Variants in ANO1 observed in about 807,000 individuals in gnomAD.
The protein encoded by ANO1 is anoctamin-1.
Under a neutral mutation model 124.0 loss-of-function variants are expected in ANO1, and 59 were observed. The ratio of observed to expected loss-of-function variants is 0.48; its 90% CI spans 0.39 to 0.59. The LOEUF (loss-of-function observed/expected upper bound fraction) is 0.59, where lower values mean the gene tolerates loss of function less well. Among genes scored for constraint, ANO1 ranks in the 20% least tolerant of loss-of-function variants. The pLI, the probability that ANO1 is intolerant of heterozygous loss-of-function variation, is 0.00. For missense variants in ANO1, 1,059 were observed against 1,328.0 expected, an observed-to-expected ratio of 0.80 and a Z score of 3.15; for synonymous variants, 529 against 532.0, an observed-to-expected ratio of 0.99 and a Z score of 0.08.
At chr11:70,152,573 G>T (rs578188767) in intron 13 of ANO1, 112 bp downstream of exon 13, 2 of 1,283,470 alleles carry the variant, frequency 1.6e-6, no homozygotes, top group African/African-American at 2.9e-5. Context: ...GTTCCTCCAC[G>T]CGGGTGGGGT....
At chr11:70,052,237 T>C (rs552964724) in intron 1 of ANO1, among the ~76,000 whole-genome samples, 1 of 152,374 alleles carries the variant, frequency 6.6e-6, no homozygotes, top group East Asian at 1.9e-4. Context: ...AATTGTGGAA[T>C]ATATGCAGGT....
intron 1 of ANO1, among the ~76,000 whole-genome samples, chr11:70,026,297 GTGGT>G (rs1856906305): frequency 6.7e-6 from 1 of 149,278 alleles, no homozygotes. Context: ...CATAATGATG[GTGGT>G]AGTGGTAATG....
chr11:70,010,179 G>GTATATATA lies in ANO1; in HGVS notation c.58+24025_58+24032dup, dbSNP rs71926266. 1.2e-4 allele frequency among the ~76,000 whole-genome samples: 10 copies of GTATATATA among 83,766 alleles called. 1 individual carries two copies. Among genetic ancestry groups the GTATATATA allele is most frequent in the East Asian group, 5.7e-4 (1 of 1,754 alleles). 55.0% of individuals were successfully genotyped at this position (83,766 alleles called of 152,430 possible). ...TGTGTGTGTGTGCGCGTGTGTGTGT[G>GTATATATA]TATATATATATATATATATCACATT... On this transcript the variant is annotated intron_variant, in intron 1 of 27. Coordinates refer to the ANO1 transcript ENST00000531349.
intron 1 of ANO1, among the ~76,000 whole-genome samples, chr11:70,037,985 G>T (rs781893496): frequency 6.6e-6 from 1 of 152,172 alleles, no homozygotes; most frequent in Non-Finnish European, 1.5e-5. Context: ...TGAGCATGAG[G>T]ATTAAAACGT....
At chr11:70,066,278 T>A (rs148018044) in intron 1 of ANO1, among the ~76,000 whole-genome samples, 1 of 152,322 alleles carries the variant, frequency 6.6e-6, no homozygotes, top group African/African-American at 2.4e-5. Context: ...GCTGCCCTCG[T>A]GGGCACTAAG....
intron 1 of ANO1, among the ~76,000 whole-genome samples, chr11:70,043,078 T>C (rs1362325140): frequency 1.3e-5 from 2 of 151,898 alleles, no homozygotes; most frequent in African/African-American, 4.8e-5. Flanking sequence ...GAAAAGAATA[T>C]TAAAATGATT....
chr11:70,085,542 G>A (rs2044339141), intron 1 of ANO1: 9 of 1,536,102 alleles, frequency 5.9e-6, no homozygotes, highest in Non-Finnish European at 7.8e-6. Context: ...CCTCCCAGGT[G>A]GTGAGCAATG....
chr11:69,999,556 A>C, intron 1 of ANO1, among the ~76,000 whole-genome samples: 1 of 152,322 alleles, frequency 6.6e-6, no homozygotes, highest in African/African-American at 2.4e-5. Flanking sequence ...CGTGCTCACC[A>C]GCAGCATCTG....
At chr11:70,085,640 T>C (rs2044343898) in intron 1 of ANO1, 1 of 1,522,646 alleles carries the variant, frequency 6.6e-7, no homozygotes, top group East Asian at 2.5e-5. Flanking sequence ...GGTAGAGGAG[T>C]CTAGACCCTT....
At chr11:70,130,726 G>C (rs2046719407) in intron 10 of ANO1, among the ~76,000 whole-genome samples, 1 of 152,262 alleles carries the variant, frequency 6.6e-6, no homozygotes, top group African/African-American at 2.4e-5. Context: ...CCTGTGCTCA[G>C]CAAAGCAGAA....
At chr11:69,984,997 G>C (rs1039299185), upstream of ANO1, among the ~76,000 whole-genome samples, 4 of 152,206 alleles carry the variant, frequency 2.6e-5, no homozygotes, top group Non-Finnish European at 4.4e-5. Flanking sequence ...AGGAGGCGCC[G>C]GCACTGCAGT....
intron 22 of ANO1, among the ~76,000 whole-genome samples, chr11:70,178,417 G>A (rs1017470391): frequency 4.6e-5 from 7 of 152,184 alleles, no homozygotes; most frequent in Non-Finnish European, 7.3e-5. Context: ...CACTGCACTC[G>A]TGCAAAAGAT....
In ANO1 at chr11:70,169,449, G is replaced by A. The variant is rs1033598438; in HGVS notation, c.2198-1438G>A. On this transcript the variant is annotated intron_variant, in intron 21 of 25. Transcript: ENST00000355303. The stretch of plus-strand genomic sequence containing the variant: ...TCATCTGGAAATGCCCCACCTCCCC[G>A]CCCCCCTGCACCCTCCCTCCCAGGC... Among the ~76,000 whole-genome samples, 9 of 41,174 alleles carry A rather than the reference G, an allele frequency of 2.2e-4. No individual in the cohort carries two copies. The South Asian group carries it at 6.8e-3, about 31-fold the overall frequency. 27.0% of individuals were successfully genotyped at this position (41,174 alleles called of 152,430 possible).
At chr11:70,152,163 T>C (rs1363521363) in intron 12 of ANO1, among the ~76,000 whole-genome samples, 3 of 151,986 alleles carry the variant, frequency 2.0e-5, no homozygotes, top group South Asian at 2.1e-4. Context: ...GGTGAAACCC[T>C]GTCTCTACTA....
At chr11:69,973,728 C>A in the ANO1 span, among the ~76,000 whole-genome samples, 3 of 151,690 alleles carry the variant, frequency 2.0e-5, no homozygotes, top group East Asian at 5.9e-4. Flanking sequence ...AAAAATTAGC[C>A]GGGCGTGGTG....
At chr11:70,182,381 C>T (rs1317742) in intron 23 of ANO1, 121 bp from the exon 24 acceptor site, 105,622 of 808,308 alleles carry the variant, frequency 0.13, 7,452 homozygotes, top group Middle Eastern at 0.18. Context: ...CTATGGTCCC[C>T]GCCAGAGGCA....
intron 14 of ANO1, among the ~76,000 whole-genome samples, chr11:70,155,545 G>T (rs2047774775): frequency 6.6e-6 from 1 of 152,176 alleles, no homozygotes; most frequent in Non-Finnish European, 1.5e-5. Flanking sequence ...TGGGCTTCTG[G>T]GTGTGGCTTC....
chr11:70,157,144 A>T (rs190971433), intron 16 of ANO1, 123 bp downstream of exon 16: 1 of 810,736 alleles, frequency 1.2e-6, no homozygotes, highest in Non-Finnish European at 2.0e-6. Context: ...AGGCGGGCAG[A>T]TCACTTGAGG....
rs534043493 is a variant in ANO1, at chr11:70,103,678, C to T, written c.541-321C>T. On this transcript the variant is annotated intron_variant, in intron 3 of 25. Transcript: ENST00000355303. ...ACTCTGGCAGGCGGACGGGTGAAGC[C>T]GGGCTAGGTAGTAAATCAGCCTCCT... Among the ~76,000 whole-genome samples, 427 of 152,274 alleles carry T rather than the reference C, an allele frequency of 2.8e-3. 4 individuals carry two copies. The highest frequency in any genetic ancestry group is 4.0e-3 in the Non-Finnish European group (271 of 68,022).
Sources: gnomAD v4.1 joint callset for allele counts (sites outside exome capture counted in the v4.1 genomes callset) on GRCh38, gnomAD v4.1.1 for gene constraint, MANE v1.5 for transcripts, NCBI Gene and HGNC (gene_info 2026-07-23, HGNC 2026-07-21) for gene names.